Variants in DAB1 observed in about 807,000 individuals in gnomAD.
DAB1 encodes the protein disabled homolog 1.
In DAB1, 15 loss-of-function variants were observed where a neutral mutation model predicts 64.6. The observed-to-expected ratio is 0.23, with a 90% confidence interval of 0.16 to 0.36. The LOEUF (loss-of-function observed/expected upper bound fraction) is 0.36, where lower values mean the gene tolerates loss of function less well. DAB1 is among the 10% of genes least tolerant of loss of function. The probability of loss-of-function intolerance (pLI) is 1.00; values close to 1 mark genes in which losing one functional copy is unlikely to be tolerated. For synonymous variants in DAB1, 235 were observed against 251.9 expected (o/e 0.93, Z 0.64); for missense variants, 596 against 706.7 (o/e 0.84, Z 1.78).
At chr1:57,687,561 C>A (rs1570738043) in intron 6 of DAB1, among the ~76,000 whole-genome samples, 2 of 57,594 alleles carry the variant, frequency 3.5e-5, no homozygotes, top group African/African-American at 1.5e-4. Flanking sequence ...TATGTAACAA[C>A]AACAGAAAAC....
intron 3 of DAB1, among the ~76,000 whole-genome samples, chr1:58,376,650 A>T (rs1286365264): frequency 7.0e-6 from 1 of 143,662 alleles, no homozygotes; most frequent in East Asian, 2.0e-4. Context: ...AAAAATGTAT[A>T]TTCTGTTGAT....
chr1:58,304,299 C>T (rs976603854), intron 4 of DAB1, among the ~76,000 whole-genome samples: 1 of 152,094 alleles, frequency 6.6e-6, no homozygotes, highest in Non-Finnish European at 1.5e-5. Flanking sequence ...AAATTTGCCC[C>T]CTAGATGTAC....
chr1:58,069,924 G>A (rs555912346), intron 5 of DAB1, among the ~76,000 whole-genome samples: 64 of 152,150 alleles, frequency 4.2e-4, no homozygotes, highest in African/African-American at 1.2e-3. Flanking sequence ...TGCCTCTTGC[G>A]GAGACATAGA....
chr1:58,290,976 G>A (rs11576201), intron 4 of DAB1, among the ~76,000 whole-genome samples: 36,234 of 152,038 alleles, frequency 0.24, 5,184 homozygotes, highest in East Asian at 0.45. Flanking sequence ...AACAAAGACA[G>A]AAGGGCATAA....
At chr1:57,586,840 T>C (rs1227643091) in intron 7 of DAB1, among the ~76,000 whole-genome samples, 6 of 150,630 alleles carry the variant, frequency 4.0e-5, no homozygotes, top group African/African-American at 9.7e-5. Context: ...GAAAGAAAGA[T>C]GGCTGGGGCC....
chr1:57,972,947 C>G (rs527482543), intron 5 of DAB1, among the ~76,000 whole-genome samples: 3 of 152,192 alleles, frequency 2.0e-5, no homozygotes, highest in Non-Finnish European at 4.4e-5. Flanking sequence ...CTGTATATTT[C>G]TTTAAACAGT....
intron 2 of DAB1, among the ~76,000 whole-genome samples, chr1:57,271,708 G>A (rs955328563): frequency 2.0e-5 from 3 of 152,206 alleles, no homozygotes; most frequent in African/African-American, 7.2e-5. Context: ...ATCTGTGTTT[G>A]GCTGGGTCTA....
chr1:57,261,806 T>G (rs1208929189), intron 2 of DAB1, among the ~76,000 whole-genome samples: 1 of 152,224 alleles, frequency 6.6e-6, no homozygotes, highest in Non-Finnish European at 1.5e-5. Flanking sequence ...CAGATTGTTA[T>G]GCCTATTAAA....
At chr1:57,317,790 G>C (rs188003419) in intron 1 of DAB1, among the ~76,000 whole-genome samples, 38 of 152,224 alleles carry the variant, frequency 2.5e-4, no homozygotes, top group African/African-American at 8.7e-4. Context: ...AGAAACACTA[G>C]TCTAATATGA....
intron 3 of DAB1, among the ~76,000 whole-genome samples, chr1:58,442,617 A>C (rs1229497804): frequency 6.6e-6 from 1 of 152,250 alleles, no homozygotes; most frequent in African/African-American, 2.4e-5. Context: ...GAACATCAAA[A>C]ACCAATAAGC....
intron 6 of DAB1, among the ~76,000 whole-genome samples, chr1:57,703,447 C>T (rs1646931063): frequency 6.6e-6 from 1 of 152,154 alleles, no homozygotes. Flanking sequence ...CTCAGAATCA[C>T]AGATCATTAG....
At chr1:57,758,504 A>T (rs949479712) in intron 6 of DAB1, among the ~76,000 whole-genome samples, 1 of 152,188 alleles carries the variant, frequency 6.6e-6, no homozygotes, top group African/African-American at 2.4e-5. Context: ...CATGTGCTGG[A>T]TACGGATTCT....
At chr1:57,085,500 C>A (rs935276977) in intron 4 of DAB1, among the ~76,000 whole-genome samples, 2 of 152,240 alleles carry the variant, frequency 1.3e-5, no homozygotes, top group African/African-American at 4.8e-5. Flanking sequence ...CTGCCTTGAT[C>A]CAGAAACACT....
rs370385640 is a variant in DAB1, at chr1:57,005,496, T to C, written c.*15+5184A>G. ...GAATAGAGACAGCCTGAGGGAGAGA[T>C]GCTGCTGGAAGATCTTATTTGGGGA... On this transcript the variant is annotated intron_variant, in intron 14 of 14. Transcript: ENST00000371236. Among the ~76,000 whole-genome samples the C allele has an allele frequency of 1.1e-3, 173 of 152,276 alleles. 5 individuals are homozygous for C. In the South Asian group the frequency reaches 0.033, roughly 29 times the overall value.
intron 6 of DAB1, among the ~76,000 whole-genome samples, chr1:57,681,439 T>C (rs1198486967): frequency 6.6e-6 from 1 of 151,990 alleles, no homozygotes; most frequent in Non-Finnish European, 1.5e-5. Context: ...TTGTTGGGGG[T>C]GGGGAAAAAA....
At chr1:57,002,919 G>T (rs1398124539) in intron 14 of DAB1, among the ~76,000 whole-genome samples, 1 of 152,186 alleles carries the variant, frequency 6.6e-6, no homozygotes, top group African/African-American at 2.4e-5. Context: ...TGATTGTCTA[G>T]CACAGAGTCT....
intron 6 of DAB1, among the ~76,000 whole-genome samples, chr1:57,768,765 C>T (rs1002356739): frequency 1.3e-5 from 2 of 151,988 alleles, no homozygotes; most frequent in Non-Finnish European, 2.9e-5. Context: ...CAGCAGGGTT[C>T]AGCACTTCTC....
intron 9 of DAB1, among the ~76,000 whole-genome samples, chr1:57,032,920 G>A (rs535450092): frequency 3.0e-4 from 45 of 152,058 alleles, no homozygotes; most frequent in Non-Finnish European, 6.0e-4. Flanking sequence ...TACTTGGCAC[G>A]TCCTGTTCAT....
intron 2 of DAB1, among the ~76,000 whole-genome samples, chr1:57,207,913 A>T (rs1452772521): frequency 6.6e-6 from 1 of 152,218 alleles, no homozygotes; most frequent in Non-Finnish European, 1.5e-5. Flanking sequence ...GTCAGGTCAC[A>T]TAAAAAGTGT....
Sources: allele counts gnomAD v4.1 joint callset (sites outside exome capture counted in the v4.1 genomes callset), GRCh38; gene constraint gnomAD v4.1.1; transcripts MANE v1.5; gene names NCBI Gene and HGNC (gene_info 2026-07-23, HGNC 2026-07-21).